The following ZNF594 variants were observed in gnomAD, a reference collection of about 807,000 sequenced individuals.
ZNF594 encodes the protein zinc finger protein 594.
For missense variants in ZNF594, 1,037 were observed against 964.6 expected (o/e 1.08, Z -0.99); for synonymous variants, 336 against 309.4 (o/e 1.09, Z -0.90).
Position 5,181,399 on chromosome 17 carries a change from A to G in ZNF594, c.*434T>C, listed in dbSNP as rs765477455. The G allele has an allele frequency of 3.7e-6, 6 of 1,612,904 alleles. No individual in the cohort carries two copies. The highest frequency in any genetic ancestry group is 3.4e-6 in the Non-Finnish European group (4 of 1,179,198). ...GCCCTACCACACTGATTACACCAAT[A>G]AGCTTTCTCTTCTTGGTGAATTTTC... On this transcript the variant is annotated 3_prime_UTR_variant, in exon 2 of 2. Transcript: ENST00000575779.
chr17:5,178,178 T>TA (rs143332678), downstream of ZNF594, among the ~76,000 whole-genome samples: 101,513 of 149,052 alleles, frequency 0.68, 35,290 homozygotes, highest in Non-Finnish European at 0.76. Context: ...ACAAATATTC[T>TA]AAAAAAAACC....
Position 5,183,113 on chromosome 17 carries a change from C to T in ZNF594, c.1144G>A (p.Gly382Ser), listed in dbSNP as rs760529934. ...TCTGAGGTGCCCTGGAAATTCCTAC[C>T]ACACTGATTACACCAATAAGCTTTC... ...EEKAYWCNQCGRNFQGTSDLI... is the reference protein window; with the variant it reads ...EEKAYWCNQCSRNFQGTSDLI... Residue 382 changes from glycine (G) to serine (S), a missense_variant, in exon 2 of 2, where the codon GGT becomes AGT. Gly to Ser is a moderately conservative substitution (Grantham distance 56, BLOSUM62 0). Transcript: ENST00000575779. 10 of 1,613,966 alleles carry T rather than the reference C, an allele frequency of 6.2e-6. No homozygotes were observed. Among genetic ancestry groups the T allele is most frequent in the Non-Finnish European group, 8.5e-6 (10 of 1,180,036 alleles).
At chr17:5,186,537 G>A (rs962865428) in intron 1 of ZNF594, among the ~76,000 whole-genome samples, 3 of 152,218 alleles carry the variant, frequency 2.0e-5, no homozygotes, top group African/African-American at 7.2e-5. Context: ...ATTGTCTTGC[G>A]GATTAACATT....
At chr17:5,186,238 G>T (rs1598135200) in intron 1 of ZNF594, among the ~76,000 whole-genome samples, 1 of 152,336 alleles carries the variant, frequency 6.6e-6, no homozygotes, top group South Asian at 2.1e-4. Flanking sequence ...AATCCAGGTG[G>T]AAGTTCCCAA....
At position 5,182,347 on chromosome 17, in the gene ZNF594, G is replaced by A; in HGVS notation, c.1910C>T (p.Ser637Leu). Residue 637 changes from serine to leucine, a missense_variant, in exon 2 of 2, where the codon TCA becomes TTA. By Grantham distance (145) the Ser-to-Leu change is moderately radical. Transcript: ENST00000575779. ...NKCGKSFRGSSDLIKHHRIHT... is the reference protein window; with the variant it reads ...NKCGKSFRGSLDLIKHHRIHT... ...AATACGATGGTGTTTAATAAGATCT[G>A]AGCTACCCCTAAAAGATTTCCCACA... 6.2e-7 allele frequency: 1 copy of A among 1,613,512 alleles called. No homozygotes were observed. Among genetic ancestry groups the A allele is most frequent in the East Asian group, 2.2e-5 (1 of 44,820 alleles).
chr17:5,190,647 C>T (rs2074415995), intron 1 of ZNF594, among the ~76,000 whole-genome samples: 2 of 152,224 alleles, frequency 1.3e-5, no homozygotes, highest in Non-Finnish European at 2.9e-5. Context: ...GCTAAAAGCG[C>T]TGCGGTGGCA....
downstream of ZNF594, among the ~76,000 whole-genome samples, chr17:5,177,171 G>A (rs944837353): frequency 1.3e-5 from 2 of 148,498 alleles, no homozygotes; most frequent in African/African-American, 4.9e-5. Flanking sequence ...ACTCCAGCAT[G>A]GGCAACACAG....
chr17:5,177,056 C>T (rs1315512973), downstream of ZNF594, among the ~76,000 whole-genome samples: 4 of 151,740 alleles, frequency 2.6e-5, no homozygotes, highest in Non-Finnish European at 5.9e-5. Context: ...ATTAGCCAGG[C>T]GGGGTGGCGG....
Position 5,184,059 on chromosome 17 carries a change from G to A in ZNF594, c.198C>T (p.Ile66=), listed in dbSNP as rs775122701. ...MRHLPSQESG[I]REMHIIPQKA... ...TCTGGGGGATAATATGCATTTCCCT[G>A]ATACCGCTCTCTTGGGAAGGGAGAT... Residue 66 remains isoleucine (I), a synonymous_variant, in exon 2 of 2, where the codon ATC becomes ATT. Transcript: ENST00000575779. 14 of 1,614,056 alleles carry A rather than the reference G, an allele frequency of 8.7e-6. No individual in the cohort carries two copies. Among genetic ancestry groups the A allele is most frequent in the Non-Finnish European group, 1.1e-5 (13 of 1,180,050 alleles).
chr17:5,187,480 G>A (rs2074392967), intron 1 of ZNF594, among the ~76,000 whole-genome samples: 1 of 152,160 alleles, frequency 6.6e-6, no homozygotes, highest in Admixed American at 6.5e-5. Context: ...TGAGCTCCTT[G>A]GGAGAGTCAT....
rs199860055 is a variant in ZNF594, at chr17:5,185,723, T to TG, written c.-20-1448dup. Among the ~76,000 whole-genome samples the TG allele has an allele frequency of 6.7e-3, 1,018 of 152,266 alleles. 13 individuals are homozygous for TG. The highest frequency in any genetic ancestry group is 0.023 in the African/African-American group (952 of 41,554). On this transcript the variant is annotated intron_variant, in intron 1 of 1. Transcript: ENST00000575779. Reference sequence around the variant, plus strand: ...CAAGCTAGTTACTTCCTAGATATAATGGGGGTACAGGTATTGCTGGGTAAA... The same window carrying TG: ...CAAGCTAGTTACTTCCTAGATATAATGGGGGGTACAGGTATTGCTGGGTAAA...
Position 5,183,862 on chromosome 17 carries a change from C to A in ZNF594, c.395G>T (p.Cys132Phe). The change falls in exon 2 of 2, where the codon TGT (cysteine) becomes TTT (phenylalanine). Residue 132 changes from cysteine (C) to phenylalanine (F), a missense_variant. Coordinates refer to ENST00000575779, the MANE Select transcript of ZNF594 (RefSeq NM_032530.2). ...NINKTYECKE[C>F]EKTFNRSSNL... is the part of the protein sequence containing the mutation. ...TGAACTCCTGTTGAAGGTTTTTTCA[C>A]ATTCCTTACATTCATAGGTCTTATT... The A allele has an allele frequency of 6.2e-7, 1 of 1,613,348 alleles. No individual in the cohort carries two copies. Among genetic ancestry groups the A allele is most frequent in the Non-Finnish European group, 8.5e-7 (1 of 1,179,856 alleles).
At position 5,182,804 on chromosome 17, in the gene ZNF594, C is replaced by G. The variant is rs1293616062; in HGVS notation, c.1453G>C (p.Glu485Gln). 1 of 1,614,148 alleles carries G rather than the reference C, an allele frequency of 6.2e-7. No individual in the cohort carries two copies. Among genetic ancestry groups the G allele is most frequent in the Non-Finnish European group, 8.5e-7 (1 of 1,180,026 alleles). ...CATTCAGTGCACTGATAGGGCTTCTCTCCAGTATGGATTTTCTGGTGTGTA... is the reference window on the plus strand; with the variant it reads ...CATTCAGTGCACTGATAGGGCTTCTGTCCAGTATGGATTTTCTGGTGTGTA... ...LVTHQKIHTG[E>Q]KPYQCTECGK... The change falls in exon 2 of 2, where the codon GAG becomes CAG. Residue 485 changes from glutamate to glutamine, a missense_variant. Physicochemically the swap from Glu to Gln is conservative, Grantham distance 29 (BLOSUM62 2). Transcript: ENST00000575779.
chr17:5,179,304 C>G (rs756690810), downstream of ZNF594, among the ~76,000 whole-genome samples: 6 of 148,732 alleles, frequency 4.0e-5, no homozygotes, highest in Non-Finnish European at 8.9e-5. Flanking sequence ...GAAGTGCTGG[C>G]TACAGGTGGA....
At position 5,179,879 on chromosome 17, in the gene ZNF594, T is replaced by C. The variant is rs892347720; in HGVS notation, c.*1954A>G. 1 of 152,054 alleles carries C rather than the reference T, an allele frequency of 6.6e-6. No homozygotes were observed. The highest frequency in any genetic ancestry group is 1.9e-4 in the East Asian group (1 of 5,176). The allele number at this position is 152,054 out of a possible 1,614,324, so 9.4% of individuals were successfully genotyped here. ...TAGCAAAATATAATTCTTTAATAAA[T>C]GCAGTTTGGTAAACATAATCTTTTA... On this transcript the variant is annotated 3_prime_UTR_variant, in exon 2 of 2. Coordinates refer to ENST00000575779, the MANE Select transcript of ZNF594 (RefSeq NM_032530.2).
Position 5,181,976 on chromosome 17 carries a change from A to G in ZNF594, c.2281T>C (p.Tyr761His). ...EQRTHQEKKV[Y>H]WCNQCSRTFQ... ...GTCCTACTACACTGATTACACCAATAAACTTTCTTTTCCTGGTGAGTTCTC... is the reference window on the plus strand; with the variant it reads ...GTCCTACTACACTGATTACACCAATGAACTTTCTTTTCCTGGTGAGTTCTC... The change falls in exon 2 of 2, where the codon TAT becomes CAT. Residue 761 changes from tyrosine (Y) to histidine (H), a missense_variant. Tyr to His is a moderately conservative substitution (Grantham distance 83). Coordinates refer to ENST00000575779, the MANE Select transcript of ZNF594 (RefSeq NM_032530.2). 1 of 1,613,514 alleles carries G rather than the reference A, an allele frequency of 6.2e-7. No individual in the cohort carries two copies. Among genetic ancestry groups the G allele is most frequent in the Non-Finnish European group, 8.5e-7 (1 of 1,179,956 alleles).
At chr17:5,175,070 TC>T (rs1214967370), downstream of ZNF594, 1 of 175,892 alleles carries the variant, frequency 5.7e-6, no homozygotes, top group Non-Finnish European at 1.2e-5. Flanking sequence ...GTTTTAATTC[TC>T]CTACTTGAAT....
chr17:5,188,691 G>C (rs546174882), intron 1 of ZNF594, among the ~76,000 whole-genome samples: 2 of 150,820 alleles, frequency 1.3e-5, no homozygotes, highest in South Asian at 4.2e-4. Flanking sequence ...TTAAATAAAA[G>C]CCTAAAGAAG....
At chr17:5,178,798 T>C (rs551741443), downstream of ZNF594, among the ~76,000 whole-genome samples, 21 of 152,170 alleles carry the variant, frequency 1.4e-4, no homozygotes, top group Non-Finnish European at 2.9e-4. Flanking sequence ...GATTCTTATT[T>C]ACCAGCAAGA....
Sources: allele counts gnomAD v4.1 joint callset (sites outside exome capture counted in the v4.1 genomes callset), GRCh38; gene constraint gnomAD v4.1.1; transcripts MANE v1.5; gene names NCBI Gene and HGNC (gene_info 2026-07-23, HGNC 2026-07-21).